CFAP77: variants seen among roughly 807,000 people sequenced by gnomAD.
CFAP77 encodes the protein cilia and flagella associated protein 77, also known as cilia- and flagella-associated protein 77.
In CFAP77, 25 loss-of-function variants were observed where a neutral mutation model predicts 31.1. The ratio of observed to expected loss-of-function variants is 0.80; its 90% CI spans 0.59 to 1.12. The LOEUF is 1.12. Ranked by LOEUF, CFAP77 falls within the 50% of genes most tolerant of loss-of-function variation. CFAP77 has a pLI of 0.00. For synonymous variants in CFAP77, 151 were observed against 159.9 expected (o/e 0.94, Z 0.42); for missense variants, 377 against 397.3 (o/e 0.95, Z 0.44).
intron 1 of CFAP77, among the ~76,000 whole-genome samples, chr9:132,412,571 C>T (rs928880436): frequency 1.0e-4 from 13 of 127,088 alleles, no homozygotes; most frequent in Admixed American, 9.0e-4. Context: ...CACACTGAAG[C>T]CACCTCTGTT....
intron 3 of CFAP77, among the ~76,000 whole-genome samples, chr9:132,512,167 C>T (rs1023864703): frequency 3.3e-5 from 5 of 152,170 alleles, no homozygotes; most frequent in African/African-American, 9.7e-5. Context: ...GGAGGGTCTC[C>T]GACCTCCTCC....
chr9:132,546,969 G>T (rs1336034420), intron 5 of CFAP77, among the ~76,000 whole-genome samples: 1 of 152,266 alleles, frequency 6.6e-6, no homozygotes, highest in Non-Finnish European at 1.5e-5. Flanking sequence ...GGCCCTTGGA[G>T]GTGCAGACCC....
At position 132,509,238 on chromosome 9, in the gene CFAP77, G is replaced by A. The variant is rs565933643; in HGVS notation, c.524+9638G>A. Among the ~76,000 whole-genome samples, 56 of 152,346 alleles carry A rather than the reference G, an allele frequency of 3.7e-4. 1 individual carries two copies. The South Asian group carries it at 0.011, about 31-fold the overall frequency. Reference sequence around the variant, plus strand: ...TTCTGTCCCTCAGCAAGAGGTCACAGGTGGCGAATGGAGGTGTGGGGACTC... The same window carrying A: ...TTCTGTCCCTCAGCAAGAGGTCACAAGTGGCGAATGGAGGTGTGGGGACTC... On this transcript the variant is annotated intron_variant, in intron 3 of 5. Transcript: ENST00000393216.
chr9:132,442,372 GA>G lies in CFAP77; in HGVS notation c.195+31910del, dbSNP rs375688614. On this transcript the variant is annotated intron_variant, in intron 1 of 5. Transcript: ENST00000393216. Reference sequence around the variant, plus strand: ...TTGAGACCAGCCTGAGTGACATGGCGAAAACCTGTCTCTACCCAAAATATGA... The same window carrying G: ...TTGAGACCAGCCTGAGTGACATGGCGAAACCTGTCTCTACCCAAAATATGA... Among the ~76,000 whole-genome samples the G allele has an allele frequency of 2.0e-4, 30 of 152,212 alleles. No individual in the cohort carries two copies. The South Asian group carries it at 6.0e-3, about 31-fold the overall frequency.
intron 1 of CFAP77, among the ~76,000 whole-genome samples, chr9:132,444,031 CAGGCCAGG>C (rs1443376938): frequency 6.6e-6 from 1 of 152,262 alleles, no homozygotes; most frequent in Non-Finnish European, 1.5e-5. Flanking sequence ...CCCGGGCCCA[CAGGCCAGG>C]CTTCCAGACA....
chr9:132,441,405 AT>A (rs1850613878), intron 1 of CFAP77, among the ~76,000 whole-genome samples: 1 of 152,126 alleles, frequency 6.6e-6, no homozygotes, highest in Admixed American at 6.5e-5. Context: ...GCATGTTTTT[AT>A]TTTGAAAGTA....
intron 1 of CFAP77, among the ~76,000 whole-genome samples, chr9:132,423,031 C>T (rs536842752): frequency 3.9e-5 from 6 of 152,338 alleles, no homozygotes; most frequent in African/African-American, 1.4e-4. Flanking sequence ...AGGGAACCTG[C>T]TGGAGCAATT....
intron 1 of CFAP77, among the ~76,000 whole-genome samples, chr9:132,413,553 C>G: frequency 6.6e-6 from 1 of 152,194 alleles, no homozygotes; most frequent in East Asian, 1.9e-4. Context: ...CCAAGCTTCT[C>G]CCTGCTTGGT....
rs1200633081 is a variant in CFAP77, at chr9:132,486,044, A to G, written c.196-12651A>G. ...TATATATATATATATATATATATGT[A>G]TGTATATGTATGTGTGTGTGTGTAT... On this transcript the variant is annotated intron_variant, in intron 1 of 5. Transcript: ENST00000393216. Among the ~76,000 whole-genome samples the G allele has an allele frequency of 6.9e-3, 228 of 33,172 alleles. 38 individuals are homozygous for G. Among genetic ancestry groups the G allele is most frequent in the African/African-American group, 0.058 (199 of 3,432 alleles). 21.8% of individuals were successfully genotyped at this position (33,172 alleles called of 152,430 possible). A position where few individuals can be genotyped will look rare whatever the true frequency, so the allele number is the denominator to read the frequency against.
At chr9:132,443,324 G>C (rs1366416230) in intron 1 of CFAP77, among the ~76,000 whole-genome samples, 7 of 151,310 alleles carry the variant, frequency 4.6e-5, no homozygotes, top group Admixed American at 1.3e-4. Flanking sequence ...CGTGATCTCG[G>C]CTCACCGCAA....
At chr9:132,475,325 G>T (rs889261777) in intron 1 of CFAP77, among the ~76,000 whole-genome samples, 1 of 152,184 alleles carries the variant, frequency 6.6e-6, no homozygotes, top group Non-Finnish European at 1.5e-5. Context: ...TGCATCTTGG[G>T]AAATAGACAC....
intron 1 of CFAP77, among the ~76,000 whole-genome samples, chr9:132,425,696 A>G (rs1850302019): frequency 6.6e-6 from 1 of 152,180 alleles, no homozygotes; most frequent in Non-Finnish European, 1.5e-5. Flanking sequence ...TGAGCTGATA[A>G]ACAGCTAACG....
At chr9:132,493,946 C>G (rs962179742) in intron 1 of CFAP77, among the ~76,000 whole-genome samples, 4 of 150,482 alleles carry the variant, frequency 2.7e-5, no homozygotes, top group African/African-American at 9.8e-5. Context: ...GGGTTTCGCT[C>G]TGTCACCTGG....
At chr9:132,492,215 A>C (rs948992837) in intron 1 of CFAP77, among the ~76,000 whole-genome samples, 1 of 152,054 alleles carries the variant, frequency 6.6e-6, no homozygotes. Flanking sequence ...TTGAGCCTGG[A>C]ATGTCGAGGC....
chr9:132,497,859 G>T lies in CFAP77; in HGVS notation c.196-836G>T, dbSNP rs1851769854. On this transcript the variant is annotated intron_variant, in intron 1 of 5. Transcript: ENST00000393216. The surrounding 1 kb of genome is among the most constrained non-coding windows in gnomAD (Gnocchi z 4.9). ...GGGTTCGAAGCACTGTGCAGGACAGGGTCTCTGACCTCGAGGAGCTGCTGT... is the reference window on the plus strand; with the variant it reads ...GGGTTCGAAGCACTGTGCAGGACAGTGTCTCTGACCTCGAGGAGCTGCTGT... Among the ~76,000 whole-genome samples the T allele has an allele frequency of 6.6e-6, 1 of 152,144 alleles. No homozygotes were observed. Among genetic ancestry groups the T allele is most frequent in the Non-Finnish European group, 1.5e-5 (1 of 68,018 alleles).
At chr9:132,566,037 G>C (rs553775548) in intron 5 of CFAP77, among the ~76,000 whole-genome samples, 2 of 152,328 alleles carry the variant, frequency 1.3e-5, no homozygotes, top group African/African-American at 4.8e-5. Flanking sequence ...GCTTAATTTA[G>C]AAGCATCTCA....
At chr9:132,451,206 C>T (rs1297350472) in intron 1 of CFAP77, among the ~76,000 whole-genome samples, 1 of 152,202 alleles carries the variant, frequency 6.6e-6, no homozygotes, top group African/African-American at 2.4e-5. Context: ...GGCATGGTGG[C>T]ATGCACCTGT....
At chr9:132,543,688 C>A in intron 5 of CFAP77, among the ~76,000 whole-genome samples, 1 of 152,138 alleles carries the variant, frequency 6.6e-6, no homozygotes, top group African/African-American at 2.4e-5. Context: ...GAGAGAGGAG[C>A]AAAGGTCTAC....
At chr9:132,521,487 A>T (rs937618445) in intron 3 of CFAP77, among the ~76,000 whole-genome samples, 1 of 152,184 alleles carries the variant, frequency 6.6e-6, no homozygotes, top group Non-Finnish European at 1.5e-5. Context: ...TGGAGCTCAG[A>T]GCCTGGTGGG....
Sources: gnomAD v4.1 joint callset for allele counts (sites outside exome capture counted in the v4.1 genomes callset) on GRCh38, gnomAD v4.1.1 for gene constraint, Gnocchi (gnomAD v3.1) non-coding constraint, MANE v1.5 for transcripts, NCBI Gene and HGNC (gene_info 2026-07-23, HGNC 2026-07-21) for gene names.